LGSN: variants seen among roughly 807,000 people sequenced by gnomAD.
LGSN encodes the protein lengsin.
A neutral mutation model predicts 19.5 loss-of-function variants in LGSN; 21 were observed. The ratio of observed to expected loss-of-function variants is 1.07; its 90% confidence interval spans 0.76 to 1.55. The LOEUF (loss-of-function observed/expected upper bound fraction) is 1.55, where lower values mean the gene tolerates loss of function less well. Ranked by LOEUF, LGSN falls within the 40% of genes most tolerant of loss-of-function variation. The probability of loss-of-function intolerance (pLI) is 0.00; values close to 1 mark genes in which losing one functional copy is unlikely to be tolerated. For missense variants in LGSN, 673 were observed against 608.5 expected (o/e 1.11, Z -1.12); for synonymous variants, 257 against 215.6 (o/e 1.19, Z -1.68).
At chr6:63,310,797 G>C (rs1768596805) in intron 1 of LGSN, among the ~76,000 whole-genome samples, 1 of 152,192 alleles carries the variant, frequency 6.6e-6, no homozygotes, top group Non-Finnish European at 1.5e-5. Context: ...TAAACTGGAT[G>C]CTTATGATCT....
chr6:63,341,823 C>G, the LGSN span, among the ~76,000 whole-genome samples: 2 of 152,064 alleles, frequency 1.3e-5, no homozygotes, highest in African/African-American at 4.8e-5. Flanking sequence ...AAGTTATACA[C>G]TGATTATCAC....
chr6:63,280,138 G>T lies in LGSN; in HGVS notation c.1413C>A (p.Cys471Ter). Residue 471 changes from cysteine (C) to a stop codon, truncating the protein, a stop_gained, in exon 4 of 4, where the codon TGC (cysteine) becomes TGA (stop). Coordinates refer to ENST00000370657, the MANE Select transcript of LGSN (RefSeq NM_016571.3). LOFTEE classifies it high-confidence loss of function. Reference protein sequence around the residue: ...DALVALEEDQCLRQALGETFI... With the variant: ...DALVALEEDQ ...AGGTTTCTCCTAGAGCCTGTCTCAG[G>T]CATTGATCTTCTTCCAGTGCCACAA... 6.2e-7 allele frequency: 1 copy of T among 1,614,154 alleles called. No homozygotes were observed. The highest frequency in any genetic ancestry group is 8.5e-7 in the Non-Finnish European group (1 of 1,180,032).
At chr6:63,439,243 T>A in the LGSN span, among the ~76,000 whole-genome samples, 1 of 152,068 alleles carries the variant, frequency 6.6e-6, no homozygotes, top group African/African-American at 2.4e-5. Flanking sequence ...TTAGGAGATA[T>A]ACCTATAGCT....
intron 1 of LGSN, among the ~76,000 whole-genome samples, chr6:63,304,047 C>A (rs1768283150): frequency 1.3e-5 from 2 of 152,134 alleles, no homozygotes; most frequent in South Asian, 4.2e-4. Flanking sequence ...GGAAAAGGGG[C>A]CTATGTGTGT....
the LGSN span, among the ~76,000 whole-genome samples, chr6:63,507,095 A>G: frequency 6.6e-6 from 1 of 152,116 alleles, no homozygotes; most frequent in Non-Finnish European, 1.5e-5. Context: ...CTCTCTCCAT[A>G]CCAAGTGAAT....
chr6:63,361,960 T>C, the LGSN span, among the ~76,000 whole-genome samples: 2 of 152,334 alleles, frequency 1.3e-5, no homozygotes, highest in East Asian at 3.9e-4. Flanking sequence ...GGCACACTTG[T>C]AGCTCCTGAA....
At chr6:63,499,888 T>C in the LGSN span, among the ~76,000 whole-genome samples, 1 of 152,246 alleles carries the variant, frequency 6.6e-6, no homozygotes, top group African/African-American at 2.4e-5. Flanking sequence ...AGAAACCAAA[T>C]ATCAGAGACT....
At chr6:63,505,564 AAAAAGAAAGAAAGAAAG>A in the LGSN span, among the ~76,000 whole-genome samples, 2 of 95,192 alleles carry the variant, frequency 2.1e-5, 1 homozygote, top group Non-Finnish European at 4.3e-5. Context: ...AAAAAAAAAA[AAAAAGAAAGAAAGAAAG>A]AAAGAAAGAA....
At chr6:63,428,867 T>A in the LGSN span, among the ~76,000 whole-genome samples, 1 of 152,138 alleles carries the variant, frequency 6.6e-6, no homozygotes, top group African/African-American at 2.4e-5. Context: ...TAAGAAACTA[T>A]GATGGAGAAA....
chr6:63,563,931 G>A, the LGSN span, among the ~76,000 whole-genome samples: 1 of 152,200 alleles, frequency 6.6e-6, no homozygotes, highest in East Asian at 1.9e-4. Context: ...ATAAATAGTG[G>A]TTGAGTATTT....
At chr6:63,407,945 T>C in the LGSN span, among the ~76,000 whole-genome samples, 2 of 151,994 alleles carry the variant, frequency 1.3e-5, no homozygotes, top group Non-Finnish European at 2.9e-5. Context: ...TCAAAGAGAA[T>C]AAAATACCTA....
chr6:63,408,981 G>T, the LGSN span, among the ~76,000 whole-genome samples: 5 of 152,170 alleles, frequency 3.3e-5, no homozygotes, highest in Non-Finnish European at 7.3e-5. Context: ...TGCAATTATA[G>T]CTCATTGCAG....
At chr6:63,414,000 T>A in the LGSN span, among the ~76,000 whole-genome samples, 4 of 152,174 alleles carry the variant, frequency 2.6e-5, no homozygotes, top group Non-Finnish European at 5.9e-5. Flanking sequence ...GTGGCTGTTA[T>A]TAAAGGCTTG....
chr6:63,502,277 A>G, the LGSN span, among the ~76,000 whole-genome samples: 1 of 152,238 alleles, frequency 6.6e-6, no homozygotes, highest in Non-Finnish European at 1.5e-5. Flanking sequence ...GTCTCTTCTG[A>G]GAAAAAGCAG....
chr6:63,303,445 G>A (rs1011734204), intron 1 of LGSN, among the ~76,000 whole-genome samples: 9 of 152,180 alleles, frequency 5.9e-5, no homozygotes, highest in Non-Finnish European at 1.3e-4. Context: ...AGGTGTTACA[G>A]CTATAATAGC....
chr6:63,548,256 T>G, the LGSN span, among the ~76,000 whole-genome samples: 1 of 152,254 alleles, frequency 6.6e-6, no homozygotes, highest in Non-Finnish European at 1.5e-5. Context: ...GAATCCAGAT[T>G]CAAATTATTT....
At chr6:63,303,308 G>C (rs777675084) in intron 1 of LGSN, among the ~76,000 whole-genome samples, 1 of 152,142 alleles carries the variant, frequency 6.6e-6, no homozygotes, top group Admixed American at 6.5e-5. Context: ...ATGCAAGAAG[G>C]CTAATGCAAT....
intron 1 of LGSN, among the ~76,000 whole-genome samples, chr6:63,307,119 T>A (rs1227545002): frequency 6.6e-6 from 1 of 152,138 alleles, no homozygotes; most frequent in African/African-American, 2.4e-5. Context: ...CATTAGTACA[T>A]CTAATAAAAA....
chr6:63,442,144 G>T, the LGSN span, among the ~76,000 whole-genome samples: 1 of 151,710 alleles, frequency 6.6e-6, no homozygotes, highest in Non-Finnish European at 1.5e-5. Flanking sequence ...CGGAGTTGTT[G>T]GTCCCTCCCA....
Sources: gnomAD v4.1 joint callset for allele counts (sites outside exome capture counted in the v4.1 genomes callset) on GRCh38, gnomAD v4.1.1 for gene constraint, MANE v1.5 for transcripts, NCBI Gene and HGNC (gene_info 2026-07-23, HGNC 2026-07-21) for gene names.